Variants in SV2B observed in about 807,000 individuals in gnomAD.
The protein encoded by SV2B is synaptic vesicle glycoprotein 2B.
A neutral mutation model predicts 73.9 loss-of-function variants in SV2B; 41 were observed. The ratio of observed to expected loss-of-function variants is 0.56; its 90% CI spans 0.43 to 0.72. The LOEUF is 0.72. Ranked by LOEUF, SV2B falls within the 30% of genes least tolerant of loss-of-function variation. The pLI, the probability that SV2B is intolerant of heterozygous loss-of-function variation, is 0.00. For synonymous variants in SV2B, 314 were observed against 314.2 expected (o/e 1.00, Z 0.01); for missense variants, 764 against 857.8 (o/e 0.89, Z 1.37).
intron 1 of SV2B, among the ~76,000 whole-genome samples, chr15:91,177,259 TTTGG>T (rs1156246967): frequency 6.6e-6 from 1 of 152,044 alleles, no homozygotes; most frequent in East Asian, 1.9e-4. Context: ...ATATCTCTGT[TTTGG>T]TACCAGTACC....
intron 11 of SV2B, among the ~76,000 whole-genome samples, chr15:91,287,881 G>A (rs2048914787): frequency 6.6e-6 from 1 of 152,320 alleles, no homozygotes; most frequent in Admixed American, 6.5e-5. Flanking sequence ...GACAAGGGGG[G>A]ATAATTGCAC....
chr15:91,284,280 TG>T lies in SV2B; in HGVS notation c.1708+60del. The T allele has an allele frequency of 1.3e-6, 2 of 1,560,438 alleles. No homozygotes were observed. The highest frequency in any genetic ancestry group is 3.5e-5 in the Admixed American group (2 of 56,626). On this transcript the variant is annotated intron_variant, in intron 11 of 12. Transcript: ENST00000394232. The surrounding 1 kb of genome is among the most constrained non-coding windows in gnomAD (Gnocchi z 4.5). ...ACGCGCTGGGGTGGTGACTTTCAAG[TG>T]TATTAAACAGGGAAATTTTCCCTTT...
intron 2 of SV2B, 110 bp downstream of exon 2, chr15:91,226,824 G>T: frequency 7.5e-6 from 10 of 1,325,944 alleles, no homozygotes; most frequent in Middle Eastern, 2.0e-4. Flanking sequence ...TACCCATTTT[G>T]CTGTGAAGGA....
intron 1 of SV2B, among the ~76,000 whole-genome samples, chr15:91,131,589 G>A (rs2042650616): frequency 6.6e-6 from 1 of 151,852 alleles, no homozygotes; most frequent in African/African-American, 2.4e-5. Context: ...AGGATTGCTT[G>A]AGGCCAGGAA....
In SV2B at chr15:91,292,487, T is replaced by TCAGAG. The variant is rs2049077446; in HGVS notation, c.1988_1989insAGAGC (p.Leu664GlufsTer8). On this transcript the variant is annotated frameshift_variant, in exon 13 of 13. Coordinates refer to ENST00000394232, the MANE Select transcript of SV2B (RefSeq NM_001323032.3). LOFTEE classifies it high-confidence loss of function. ...GGTCCCCATCCTTCTGGCTGCTGCT[T>TCAGAG]CTCTGGTTGGGGGTGGCCTGATTGC... is the stretch of plus-strand genomic sequence containing the variant. 1 of 1,614,098 alleles carries TCAGAG rather than the reference T, an allele frequency of 6.2e-7. No homozygotes were observed. The highest frequency in any genetic ancestry group is 1.7e-5 in the Admixed American group (1 of 60,008).
rs1447242775 is a variant in SV2B at position 91,284,984 on chromosome 15, G to C, written c.1708+763G>C. Among the ~76,000 whole-genome samples the C allele has an allele frequency of 6.6e-6, 1 of 152,158 alleles. No individual in the cohort carries two copies. The highest frequency in any genetic ancestry group is 1.5e-5 in the Non-Finnish European group (1 of 68,038). On this transcript the variant is annotated intron_variant, in intron 11 of 12. Transcript: ENST00000394232. The surrounding 1 kb of genome is among the most constrained non-coding windows in gnomAD (Gnocchi z 4.5). Reference sequence around the variant, plus strand: ...ATTAGAATATGAGTCAAGGCCAGGGGTGGGGAAGTGGACAACACATTATTA... The same window carrying C: ...ATTAGAATATGAGTCAAGGCCAGGGCTGGGGAAGTGGACAACACATTATTA...
At chr15:91,190,920 T>C (rs187056242) in intron 1 of SV2B, among the ~76,000 whole-genome samples, 5 of 152,020 alleles carry the variant, frequency 3.3e-5, no homozygotes, top group Non-Finnish European at 5.9e-5. Flanking sequence ...ATTTAGAGGA[T>C]TTTGTTCATG....
rs2042595535 is a variant in SV2B, at chr15:91,130,056, G to A, written c.-392+29693G>A. On this transcript the variant is annotated intron_variant, in intron 1 of 12. Coordinates refer to ENST00000394232, the MANE Select transcript of SV2B (RefSeq NM_001323032.3). This position sits in a 1 kb window ranked among gnomAD's most constrained non-coding sequence, Gnocchi z 5.6. The stretch of plus-strand genomic sequence containing the variant: ...GGACGACAGGCCTGGGGCCACGTGG[G>A]CAGCTGTGGCCAGCATGCAGGTCAG... 6.6e-6 allele frequency among the ~76,000 whole-genome samples: 1 copy of A among 152,188 alleles called. No individual in the cohort carries two copies. The highest frequency in any genetic ancestry group is 1.5e-5 in the Non-Finnish European group (1 of 68,038).
chr15:91,144,911 T>A (rs1391485462), intron 1 of SV2B, among the ~76,000 whole-genome samples: 1 of 147,556 alleles, frequency 6.8e-6, no homozygotes, highest in Non-Finnish European at 1.5e-5. Context: ...TTTTTTTTTT[T>A]ATGGAAGTCA....
chr15:91,173,219 T>C (rs898006353), intron 1 of SV2B, among the ~76,000 whole-genome samples: 10 of 151,840 alleles, frequency 6.6e-5, no homozygotes, highest in African/African-American at 2.2e-4. Flanking sequence ...CCTAAGGAGG[T>C]ACGAGCGCGG....
intron 1 of SV2B, among the ~76,000 whole-genome samples, chr15:91,195,262 A>T (rs542002371): frequency 6.6e-6 from 1 of 152,028 alleles, no homozygotes; most frequent in Non-Finnish European, 1.5e-5. Flanking sequence ...GGCTCAAGCG[A>T]TTCTCCCACC....
At chr15:91,185,914 C>T (rs922149786) in intron 1 of SV2B, among the ~76,000 whole-genome samples, 5 of 152,210 alleles carry the variant, frequency 3.3e-5, no homozygotes, top group African/African-American at 1.2e-4. Context: ...CTGGTTTTAT[C>T]ATCCATGTGT....
intron 1 of SV2B, among the ~76,000 whole-genome samples, chr15:91,210,638 AC>A (rs1446000931): frequency 3.3e-5 from 5 of 152,030 alleles, no homozygotes. Flanking sequence ...AACCTCGGTA[AC>A]TCCTACATCT....
At chr15:91,156,971 A>G (rs2043512275) in intron 1 of SV2B, among the ~76,000 whole-genome samples, 1 of 152,224 alleles carries the variant, frequency 6.6e-6, no homozygotes, top group African/African-American at 2.4e-5. Flanking sequence ...ACAGATGTGT[A>G]GGCGCAAGCT....
chr15:91,114,500 G>A (rs75243781), intron 1 of SV2B, among the ~76,000 whole-genome samples: 7,383 of 152,230 alleles, frequency 0.048, 218 homozygotes, highest in Middle Eastern at 0.1. Flanking sequence ...TCCAGGCCTC[G>A]CTGGCCCTGA....
chr15:91,155,947 A>G (rs1336856988), intron 1 of SV2B, among the ~76,000 whole-genome samples: 1 of 152,082 alleles, frequency 6.6e-6, no homozygotes, highest in African/African-American at 2.4e-5. Flanking sequence ...TCTCAACACC[A>G]TATTCTCTCT....
In SV2B at chr15:91,267,447, A is replaced by G. The variant is rs2048144303; in HGVS notation, c.1120-108A>G. The G allele has an allele frequency of 6.2e-6, 6 of 963,112 alleles. No individual in the cohort carries two copies. The highest frequency in any genetic ancestry group is 4.4e-5 in the South Asian group (3 of 67,662). 59.7% of individuals were successfully genotyped at this position (963,112 alleles called of 1,614,324 possible). A position where few individuals can be genotyped will look rare whatever the true frequency, so the allele number is the denominator to read the frequency against. On this transcript the variant is annotated intron_variant, in intron 7 of 12. Coordinates refer to ENST00000394232, the MANE Select transcript of SV2B (RefSeq NM_001323032.3). The surrounding 1 kb of genome is among the most constrained non-coding windows in gnomAD (Gnocchi z 4.3). ...AGACAGTGGGGTACCGGTTCTCTCC[A>G]TGGGTTCCTAGGCAACTTATTAGAA...
intron 9 of SV2B, among the ~76,000 whole-genome samples, chr15:91,271,823 A>T (rs780805226): frequency 1.4e-4 from 22 of 152,122 alleles, no homozygotes; most frequent in Non-Finnish European, 2.6e-4. Flanking sequence ...GAGCGCCTCC[A>T]TGAATACACG....
rs891763875 is a variant in SV2B, at chr15:91,288,039, A to G, written c.1709-1482A>G. Among the ~76,000 whole-genome samples, 1 of 152,092 alleles carries G rather than the reference A, an allele frequency of 6.6e-6. No homozygotes were observed. The highest frequency in any genetic ancestry group is 2.4e-5 in the African/African-American group (1 of 41,410). On this transcript the variant is annotated intron_variant, in intron 11 of 12. Coordinates refer to ENST00000394232, the MANE Select transcript of SV2B (RefSeq NM_001323032.3). The surrounding 1 kb of genome is among the most constrained non-coding windows in gnomAD (Gnocchi z 5.8). ...GTACTCCAGCCACCTTCCCCTCCCA[A>G]CTGATAAGAAAGTCCATGGGGTTAG...
Sources: allele counts gnomAD v4.1 joint callset (sites outside exome capture counted in the v4.1 genomes callset), GRCh38; gene constraint gnomAD v4.1.1; non-coding constraint Gnocchi (gnomAD v3.1); transcripts MANE v1.5; gene names NCBI Gene and HGNC (gene_info 2026-07-23, HGNC 2026-07-21).